The following ARHGAP15 variants were observed in gnomAD, a reference collection of about 807,000 sequenced individuals.
ARHGAP15 encodes the protein Rho GTPase activating protein 15.
ARHGAP15 carries 51 observed loss-of-function variants against 63.7 expected under a neutral mutation model. The observed-to-expected ratio is 0.80, with a 90% CI of 0.64 to 1.01. The LOEUF (loss-of-function observed/expected upper bound fraction) is 1.01, where lower values mean the gene tolerates loss of function less well. Among genes scored for constraint, ARHGAP15 ranks in the 50% least tolerant of loss-of-function variants. The pLI, the probability that ARHGAP15 is intolerant of heterozygous loss-of-function variation, is 0.00. For missense variants in ARHGAP15, 560 were observed against 564.6 expected (o/e 0.99, Z 0.08); for synonymous variants, 191 against 193.8 (o/e 0.99, Z 0.12).
At chr2:143,338,669 A>G (rs529336058) in intron 6 of ARHGAP15, among the ~76,000 whole-genome samples, 1 of 152,258 alleles carries the variant, frequency 6.6e-6, no homozygotes, top group African/African-American at 2.4e-5. Context: ...TTTTTCTTGC[A>G]AACTCTTTAA....
intron 6 of ARHGAP15, among the ~76,000 whole-genome samples, chr2:143,256,334 C>T (rs1574162400): frequency 6.6e-6 from 1 of 152,060 alleles, no homozygotes; most frequent in Non-Finnish European, 1.5e-5. Context: ...TGCTCTACTT[C>T]TGGTCTTTCT....
At chr2:143,513,575 A>T (rs1413866739) in intron 9 of ARHGAP15, among the ~76,000 whole-genome samples, 1 of 152,180 alleles carries the variant, frequency 6.6e-6, no homozygotes, top group Non-Finnish European at 1.5e-5. Flanking sequence ...TCCTCTACTG[A>T]AACCATTTTT....
At chr2:143,159,605 G>A (rs925160619) in intron 2 of ARHGAP15, among the ~76,000 whole-genome samples, 5 of 151,944 alleles carry the variant, frequency 3.3e-5, no homozygotes, top group African/African-American at 1.2e-4. Context: ...CTTGGAAAAT[G>A]TGCAGCCAAC....
chr2:143,753,122 G>C (rs1468511307), intron 13 of ARHGAP15, among the ~76,000 whole-genome samples: 1 of 152,170 alleles, frequency 6.6e-6, no homozygotes, highest in Non-Finnish European at 1.5e-5. Flanking sequence ...TCTAGCCTGG[G>C]CGACAGAATA....
chr2:143,454,198 G>A (rs1003701786), intron 8 of ARHGAP15, among the ~76,000 whole-genome samples: 1 of 151,988 alleles, frequency 6.6e-6, no homozygotes, highest in African/African-American at 2.4e-5. Flanking sequence ...CAAGGAGGAA[G>A]ACAACTGGTA....
At chr2:143,532,297 C>G (rs1694554273) in intron 10 of ARHGAP15, among the ~76,000 whole-genome samples, 1 of 152,318 alleles carries the variant, frequency 6.6e-6, no homozygotes. Context: ...AGAGTTCTTA[C>G]TTTTCACACA....
intron 4 of ARHGAP15, among the ~76,000 whole-genome samples, chr2:143,224,504 A>G (rs1420235204): frequency 6.6e-6 from 1 of 152,184 alleles, no homozygotes; most frequent in Non-Finnish European, 1.5e-5. Context: ...AGCTTGGGGC[A>G]TAGAGGGACT....
intron 12 of ARHGAP15, among the ~76,000 whole-genome samples, chr2:143,641,918 C>A (rs74893504): frequency 0.036 from 5,517 of 152,088 alleles, 148 homozygotes; most frequent in Non-Finnish European, 0.057. Flanking sequence ...CCCCTCAAAA[C>A]GTTACTTATA....
intron 8 of ARHGAP15, among the ~76,000 whole-genome samples, chr2:143,478,260 C>T (rs1691915760): frequency 6.6e-6 from 1 of 152,172 alleles, no homozygotes; most frequent in South Asian, 2.1e-4. Context: ...AGTATTCAGC[C>T]ACCAGCTCCA....
At chr2:143,242,912 T>C (rs947457379) in intron 5 of ARHGAP15, among the ~76,000 whole-genome samples, 1 of 152,156 alleles carries the variant, frequency 6.6e-6, no homozygotes, top group Non-Finnish European at 1.5e-5. Context: ...TCTAAACAGA[T>C]TTTGTGTTTC....
intron 6 of ARHGAP15, among the ~76,000 whole-genome samples, chr2:143,367,988 C>G (rs906155561): frequency 6.6e-6 from 1 of 151,926 alleles, no homozygotes; most frequent in Non-Finnish European, 1.5e-5. Flanking sequence ...TGGACAAAGG[C>G]AAAACTTATT....
intron 6 of ARHGAP15, among the ~76,000 whole-genome samples, chr2:143,377,037 T>C (rs1006673122): frequency 2.6e-5 from 4 of 152,102 alleles, no homozygotes; most frequent in Non-Finnish European, 5.9e-5. Flanking sequence ...TGCTCCCTTA[T>C]TGAGGAAGTA....
chr2:143,375,875 G>A (rs1255969203), intron 6 of ARHGAP15, among the ~76,000 whole-genome samples: 4 of 152,128 alleles, frequency 2.6e-5, no homozygotes, highest in Non-Finnish European at 5.9e-5. Flanking sequence ...TACTTTTTTC[G>A]GTGATGGTTG....
intron 3 of ARHGAP15, among the ~76,000 whole-genome samples, chr2:143,207,474 A>T (rs1692377769): frequency 6.9e-6 from 1 of 144,500 alleles, no homozygotes; most frequent in African/African-American, 2.6e-5. Flanking sequence ...TCCCTCTCCC[A>T]TTGACACACA....
At chr2:143,364,885 A>T (rs1212894509) in intron 6 of ARHGAP15, among the ~76,000 whole-genome samples, 1 of 152,158 alleles carries the variant, frequency 6.6e-6, no homozygotes, top group African/African-American at 2.4e-5. Flanking sequence ...AGGTGCCTGT[A>T]ATCCCAGCTA....
intron 2 of ARHGAP15, among the ~76,000 whole-genome samples, chr2:143,193,805 G>C (rs997832099): frequency 6.6e-6 from 1 of 152,064 alleles, no homozygotes; most frequent in African/African-American, 2.4e-5. Context: ...GCTGACTGTG[G>C]GTAGATATCT....
At chr2:143,223,493 G>GA (rs1024590083) in intron 4 of ARHGAP15, among the ~76,000 whole-genome samples, 4 of 152,012 alleles carry the variant, frequency 2.6e-5, no homozygotes, top group Non-Finnish European at 4.4e-5. Context: ...TCTCTCTGTG[G>GA]AAAAAATAGA....
At chr2:143,468,659 A>T (rs62172154) in intron 8 of ARHGAP15, among the ~76,000 whole-genome samples, 4,018 of 109,652 alleles carry the variant, frequency 0.037, 130 homozygotes, top group African/African-American at 0.1. Flanking sequence ...AGAGAGAGAG[A>T]GAGAGTGTGT....
At chr2:143,178,293 T>G (rs1020126629) in intron 2 of ARHGAP15, among the ~76,000 whole-genome samples, 5 of 152,216 alleles carry the variant, frequency 3.3e-5, no homozygotes, top group Non-Finnish European at 7.3e-5. Flanking sequence ...ATTATAGTTA[T>G]TTTTTCAATG....
Sources: allele counts gnomAD v4.1 joint callset (sites outside exome capture counted in the v4.1 genomes callset), GRCh38; gene constraint gnomAD v4.1.1; transcripts MANE v1.5; gene names NCBI Gene and HGNC (gene_info 2026-07-23, HGNC 2026-07-21).